NCAM1: variants seen among roughly 807,000 people sequenced by gnomAD.
NCAM1 encodes neural cell adhesion molecule 1, also known as antigen recognized by monoclonal antibody 5.1H11.
In NCAM1, 14 loss-of-function variants were observed where a neutral mutation model predicts 109.8. The ratio of observed to expected loss-of-function variants is 0.13; its 90% CI spans 0.08 to 0.20. The LOEUF is 0.20. Ranked by LOEUF, NCAM1 falls within the 10% of genes least tolerant of loss-of-function variation. NCAM1 has a pLI of 1.00. For missense variants in NCAM1, 774 were observed against 1,109.9 expected, an observed-to-expected ratio of 0.70 and a Z score of 4.30; for synonymous variants, 418 against 442.9, an observed-to-expected ratio of 0.94 and a Z score of 0.70.
chr11:113,057,278 G>A (rs1453107989), intron 1 of NCAM1, among the ~76,000 whole-genome samples: 1 of 151,934 alleles, frequency 6.6e-6, no homozygotes, highest in Non-Finnish European at 1.5e-5. Flanking sequence ...GACAGAGAGG[G>A]GACAACATTG....
At chr11:112,989,379 A>G (rs782575650) in intron 1 of NCAM1, among the ~76,000 whole-genome samples, 1 of 152,036 alleles carries the variant, frequency 6.6e-6, no homozygotes, top group Admixed American at 6.6e-5. Flanking sequence ...TTTCTTCTGC[A>G]TGATTGAGTC....
chr11:113,075,128 A>G (rs1938471146), intron 1 of NCAM1, among the ~76,000 whole-genome samples: 1 of 152,054 alleles, frequency 6.6e-6, no homozygotes, highest in Non-Finnish European at 1.5e-5. Flanking sequence ...GTGCAGTGGC[A>G]CAATCATGGC....
At position 113,275,509 on chromosome 11, in the gene NCAM1, C is replaced by T. The variant is rs1039917652; in HGVS notation, c.*122C>T. On this transcript the variant is annotated 3_prime_UTR_variant, in exon 20 of 20. Transcript: ENST00000316851. ...ACACAAACACACATGCACACACACACATCTCATTTCTCTAGTGTCTTTTGC... is the reference window on the plus strand; with the variant it reads ...ACACAAACACACATGCACACACACATATCTCATTTCTCTAGTGTCTTTTGC... 3.4e-6 allele frequency: 4 copies of T among 1,189,874 alleles called. No homozygotes were observed. Among genetic ancestry groups the T allele is most frequent in the Middle Eastern group, 2.0e-4 (1 of 5,016 alleles). The allele number at this position is 1,189,874 out of a possible 1,614,324, so 73.7% of individuals were successfully genotyped here.
At chr11:113,023,763 G>A (rs1356753254) in intron 1 of NCAM1, among the ~76,000 whole-genome samples, 1 of 152,090 alleles carries the variant, frequency 6.6e-6, no homozygotes, top group African/African-American at 2.4e-5. Flanking sequence ...TAATGATGTT[G>A]AGTGAAAACA....
intron 1 of NCAM1, among the ~76,000 whole-genome samples, chr11:113,094,233 G>GA (rs531734999): frequency 1.3e-5 from 2 of 152,056 alleles, no homozygotes; most frequent in African/African-American, 4.8e-5. Flanking sequence ...CAGAATCCAA[G>GA]AAAAAAAGGT....
intron 17 of NCAM1, among the ~76,000 whole-genome samples, chr11:113,261,770 G>A (rs1198839524): frequency 1.3e-5 from 2 of 152,166 alleles, no homozygotes; most frequent in Non-Finnish European, 2.9e-5. Context: ...TAAGCCCTTT[G>A]CAGCAAGACA....
At chr11:113,043,134 G>A (rs1299238955) in intron 1 of NCAM1, among the ~76,000 whole-genome samples, 1 of 152,008 alleles carries the variant, frequency 6.6e-6, no homozygotes, top group East Asian at 1.9e-4. Context: ...GGCCATAGGA[G>A]ATGAGGCTGG....
chr11:113,272,951 G>A (rs150337797), intron 19 of NCAM1: 16 of 456,580 alleles, frequency 3.5e-5, no homozygotes, highest in Admixed American at 7.0e-5. Flanking sequence ...CCGACACTAC[G>A]GCCACTGTCG....
intron 14 of NCAM1, chr11:113,242,663 C>A: frequency 1.5e-6 from 1 of 685,490 alleles, no homozygotes; most frequent in Non-Finnish European, 2.6e-6. Flanking sequence ...GAGAATACCT[C>A]CTTCACCATC....
chr11:113,257,979 A>G (rs1945875058), intron 16 of NCAM1, among the ~76,000 whole-genome samples: 1 of 152,200 alleles, frequency 6.6e-6, no homozygotes, highest in South Asian at 2.1e-4. Context: ...GCACTGTCAC[A>G]TTCCTAAAGG....
intron 1 of NCAM1, among the ~76,000 whole-genome samples, chr11:112,978,579 A>G (rs920594303): frequency 3.3e-5 from 5 of 151,962 alleles, no homozygotes; most frequent in South Asian, 4.1e-4. Flanking sequence ...AACACTCTTC[A>G]TGAAAGCTTT....
intron 15 of NCAM1, among the ~76,000 whole-genome samples, chr11:113,247,143 C>T (rs567090656): frequency 4.5e-4 from 69 of 152,318 alleles, no homozygotes; most frequent in Non-Finnish European, 8.2e-4. Context: ...AATATTGTGA[C>T]TGTCACAACC....
At chr11:113,046,457 A>C (rs1555080838) in intron 1 of NCAM1, among the ~76,000 whole-genome samples, 1 of 152,246 alleles carries the variant, frequency 6.6e-6, no homozygotes, top group African/African-American at 2.4e-5. Flanking sequence ...TTATGTTTAC[A>C]GACAACTCTC....
At chr11:113,083,193 C>T (rs1420558863) in intron 1 of NCAM1, among the ~76,000 whole-genome samples, 7 of 152,096 alleles carry the variant, frequency 4.6e-5, no homozygotes, top group African/African-American at 1.7e-4. Flanking sequence ...TTCCTACGTG[C>T]CATACACTAC....
intron 1 of NCAM1, among the ~76,000 whole-genome samples, chr11:113,136,547 C>T (rs1363006688): frequency 6.6e-6 from 1 of 152,188 alleles, no homozygotes; most frequent in Non-Finnish European, 1.5e-5. Flanking sequence ...GACGAGGAGG[C>T]ATGCGTGAAG....
chr11:113,266,983 C>T (rs1555124478), intron 17 of NCAM1, among the ~76,000 whole-genome samples: 2 of 152,162 alleles, frequency 1.3e-5, no homozygotes, highest in Non-Finnish European at 2.9e-5. Flanking sequence ...GCCAAGGGGT[C>T]TTCTGGCCTC....
At chr11:113,098,356 C>G (rs1555090823) in intron 1 of NCAM1, among the ~76,000 whole-genome samples, 1 of 152,170 alleles carries the variant, frequency 6.6e-6, no homozygotes, top group African/African-American at 2.4e-5. Context: ...TACATACATC[C>G]TCCTGTATGA....
chr11:112,975,311 T>G (rs1405388995), intron 1 of NCAM1, among the ~76,000 whole-genome samples: 1 of 152,054 alleles, frequency 6.6e-6, no homozygotes, highest in Admixed American at 6.6e-5. Context: ...GGTAGTTAAA[T>G]GTCCACTAGA....
chr11:112,964,169 C>G (rs1555064590), intron 1 of NCAM1, among the ~76,000 whole-genome samples: 1 of 56,076 alleles, frequency 1.8e-5, no homozygotes, highest in Non-Finnish European at 3.6e-5. Flanking sequence ...TTTTTTTGGA[C>G]TCAAATGTAG....
Sources: gnomAD v4.1 joint callset for allele counts (sites outside exome capture counted in the v4.1 genomes callset) on GRCh38, gnomAD v4.1.1 for gene constraint, MANE v1.5 for transcripts, NCBI Gene and HGNC (gene_info 2026-07-23, HGNC 2026-07-21) for gene names.